ABHD17B: variants seen among roughly 807,000 people sequenced by gnomAD.
The protein encoded by ABHD17B is alpha/beta hydrolase domain-containing protein 17B.
ABHD17B carries 9 observed loss-of-function variants against 26.2 expected under a neutral mutation model. The observed-to-expected ratio is 0.34, with a 90% confidence interval of 0.21 to 0.60. The LOEUF (loss-of-function observed/expected upper bound fraction) is 0.60, where lower values mean the gene tolerates loss of function less well. ABHD17B is among the 20% of genes least tolerant of loss of function. The pLI is 0.80. For missense variants in ABHD17B, 224 were observed against 352.1 expected (o/e 0.64, Z 2.91); for synonymous variants, 127 against 122.3 (o/e 1.04, Z -0.25).
At chr9:71,903,079 GACT>G (rs1827189177) in intron 1 of ABHD17B, among the ~76,000 whole-genome samples, 1 of 151,968 alleles carries the variant, frequency 6.6e-6, no homozygotes, top group African/African-American at 2.4e-5. Context: ...CTTTTAATGT[GACT>G]ACATCCTCAA....
At chr9:71,906,141 G>T (rs900373155) in intron 1 of ABHD17B, among the ~76,000 whole-genome samples, 2 of 151,946 alleles carry the variant, frequency 1.3e-5, no homozygotes, top group Non-Finnish European at 2.9e-5. Context: ...TCATAGAGGG[G>T]AACAGAAAGA....
chr9:71,901,741 T>A (rs959444188), intron 1 of ABHD17B, among the ~76,000 whole-genome samples: 3 of 152,134 alleles, frequency 2.0e-5, no homozygotes, highest in Admixed American at 1.3e-4. Context: ...AAGGTCTACT[T>A]CCTATGGACC....
chr9:71,893,940 A>T (rs912142570), intron 1 of ABHD17B, among the ~76,000 whole-genome samples: 1 of 152,038 alleles, frequency 6.6e-6, no homozygotes, highest in African/African-American at 2.4e-5. Context: ...ATACAAAAAA[A>T]TTAGCTGGGT....
At chr9:71,910,595 C>G (rs548669036) in intron 1 of ABHD17B, 39 bp downstream of exon 1, 2 of 152,260 alleles carry the variant, frequency 1.3e-5, no homozygotes, top group African/African-American at 4.8e-5. Flanking sequence ...CCTCCCCGAG[C>G]CGGGCTGCGG....
chr9:71,877,924 C>T (rs1211604779), intron 1 of ABHD17B, among the ~76,000 whole-genome samples: 2 of 152,076 alleles, frequency 1.3e-5, no homozygotes, highest in Non-Finnish European at 2.9e-5. Context: ...GCCCAAAAGC[C>T]AGATAACTGG....
At chr9:71,872,638 C>G (rs1826146411) in intron 2 of ABHD17B, among the ~76,000 whole-genome samples, 1 of 151,986 alleles carries the variant, frequency 6.6e-6, no homozygotes, top group South Asian at 2.1e-4. Context: ...AAGTGTGAAC[C>G]TTATCACTCA....
chr9:71,862,714 T>G, downstream of ABHD17B: 1 of 630,838 alleles, frequency 1.6e-6, no homozygotes, highest in Non-Finnish European at 2.9e-6. Context: ...GATTTTGTCA[T>G]GTATGTCTAA....
At chr9:71,896,735 A>C (rs1205919326) in intron 1 of ABHD17B, among the ~76,000 whole-genome samples, 1 of 151,958 alleles carries the variant, frequency 6.6e-6, no homozygotes, top group Non-Finnish European at 1.5e-5. Flanking sequence ...AAGACATAGG[A>C]GTGTCCCTCT....
chr9:71,870,957 T>C (rs966561856), intron 2 of ABHD17B, among the ~76,000 whole-genome samples: 1 of 152,206 alleles, frequency 6.6e-6, no homozygotes, highest in Non-Finnish European at 1.5e-5. Context: ...CAGGTTTAAA[T>C]AGATGAAAAC....
At chr9:71,882,357 T>C (rs185384948) in intron 1 of ABHD17B, among the ~76,000 whole-genome samples, 26 of 152,288 alleles carry the variant, frequency 1.7e-4, no homozygotes, top group Non-Finnish European at 7.4e-5. Context: ...AGCTGATGAA[T>C]GGATAAACAA....
At chr9:71,863,466 G>A (rs1825877770), downstream of ABHD17B, among the ~76,000 whole-genome samples, 1 of 152,134 alleles carries the variant, frequency 6.6e-6, no homozygotes, top group Non-Finnish European at 1.5e-5. Flanking sequence ...ACATCATACT[G>A]TCTTCTAAAA....
intron 1 of ABHD17B, among the ~76,000 whole-genome samples, chr9:71,882,648 A>G (rs1294769645): frequency 6.6e-6 from 1 of 150,748 alleles, no homozygotes; most frequent in Non-Finnish European, 1.5e-5. Context: ...ACAGACTGAG[A>G]TTCCATTTCA....
In ABHD17B at chr9:71,865,352, A is replaced by C. The variant is rs939385985; in HGVS notation, c.*1435T>G. 3.1e-6 allele frequency: 3 copies of C among 982,486 alleles called. No homozygotes were observed. The Admixed American group carries it at 1.8e-4, about 60-fold the overall frequency. 60.9% of individuals were successfully genotyped at this position (982,486 alleles called of 1,614,324 possible). On this transcript the variant is annotated 3_prime_UTR_variant, in exon 4 of 4. Coordinates refer to ENST00000333421, the MANE Select transcript of ABHD17B (RefSeq NM_001025780.3). ...CCATATTCATTCATTTACAAATTAG[A>C]CTACATACCATTAATTTTATTTTTA...
intron 1 of ABHD17B, among the ~76,000 whole-genome samples, chr9:71,878,178 A>G (rs916273566): frequency 6.6e-6 from 1 of 152,172 alleles, no homozygotes; most frequent in Non-Finnish European, 1.5e-5. Flanking sequence ...TTAAACTTAG[A>G]TAATTTCAAG....
chr9:71,877,768 G>A (rs1487450860), intron 1 of ABHD17B, among the ~76,000 whole-genome samples: 1 of 152,188 alleles, frequency 6.6e-6, no homozygotes, highest in Non-Finnish European at 1.5e-5. Context: ...AAGCTGGCTG[G>A]TTGAACATAT....
At chr9:71,886,543 C>T (rs1826616570) in intron 1 of ABHD17B, among the ~76,000 whole-genome samples, 1 of 152,256 alleles carries the variant, frequency 6.6e-6, no homozygotes, top group African/African-American at 2.4e-5. Context: ...AGGACCAAAG[C>T]TCGTCACACT....
chr9:71,893,740 T>C (rs920558337), intron 1 of ABHD17B, among the ~76,000 whole-genome samples: 1 of 152,130 alleles, frequency 6.6e-6, no homozygotes, highest in Non-Finnish European at 1.5e-5. Flanking sequence ...GTAACTAACA[T>C]CCATCCAATA....
intron 3 of ABHD17B, among the ~76,000 whole-genome samples, chr9:71,868,700 A>G (rs1826026440): frequency 6.6e-6 from 1 of 152,130 alleles, no homozygotes. Context: ...GTTTATTTTT[A>G]TTTTTTGAGA....
intron 1 of ABHD17B, among the ~76,000 whole-genome samples, chr9:71,882,680 C>G (rs995667491): frequency 1.4e-5 from 2 of 147,966 alleles, no homozygotes; most frequent in African/African-American, 5.0e-5. Flanking sequence ...ACCAAGAAAA[C>G]AAAAACAAAA....
Sources: allele counts gnomAD v4.1 joint callset (sites outside exome capture counted in the v4.1 genomes callset), GRCh38; gene constraint gnomAD v4.1.1; transcripts MANE v1.5; gene names NCBI Gene and HGNC (gene_info 2026-07-23, HGNC 2026-07-21).